POLN: variants seen among roughly 807,000 people sequenced by gnomAD.
POLN encodes DNA polymerase nu, also known as DNA polymerase N.
A neutral mutation model predicts 113.5 loss-of-function variants in POLN; 108 were observed. That is an observed-to-expected ratio of 0.95 (90% CI 0.81 to 1.12). The LOEUF (loss-of-function observed/expected upper bound fraction) is 1.12, where lower values mean the gene tolerates loss of function less well. Among genes scored for constraint, POLN ranks in the 50% most tolerant of loss-of-function variants. The pLI, the probability that POLN is intolerant of heterozygous loss-of-function variation, is 0.00. For synonymous variants in POLN, 386 were observed against 391.5 expected (o/e 0.99, Z 0.17); for missense variants, 1,097 against 1,077.1 (o/e 1.02, Z -0.26).
intron 7 of POLN, among the ~76,000 whole-genome samples, chr4:2,182,951 A>G (rs190884958): frequency 1.3e-5 from 2 of 152,386 alleles, no homozygotes; most frequent in East Asian, 3.9e-4. Flanking sequence ...AATAATTCTT[A>G]CAAATAAACA....
intron 24 of POLN, among the ~76,000 whole-genome samples, chr4:2,073,480 C>A (rs1730201469): frequency 6.6e-6 from 1 of 152,372 alleles, no homozygotes; most frequent in African/African-American, 2.4e-5. Context: ...ACCAGGCACA[C>A]AAGAACCCCC....
intron 20 of POLN, among the ~76,000 whole-genome samples, chr4:2,091,799 G>GCC (rs1334148393): frequency 3.5e-5 from 2 of 56,568 alleles, no homozygotes; most frequent in Non-Finnish European, 9.9e-5. Flanking sequence ...GTGTGTGTGT[G>GCC]TGCGCGCGCT....
Position 2,198,439 on chromosome 4 carries a change from A to G in POLN, c.908+85T>C, listed in dbSNP as rs1282586100. 4.0e-6 allele frequency: 5 copies of G among 1,262,690 alleles called. No homozygotes were observed. The African/African-American group carries it at 6.1e-5, about 15-fold the overall frequency. 78.2% of individuals were successfully genotyped at this position (1,262,690 alleles called of 1,614,324 possible). On this transcript the variant is annotated intron_variant, in intron 6 of 25. Transcript: ENST00000511885. ...TACAAAACTTCTAAAAGTTTAAACT[A>G]TTAAAACTGGACCTTGAGCAAGTTT...
chr4:2,113,995 G>C (rs989080989), intron 19 of POLN, among the ~76,000 whole-genome samples: 4 of 151,166 alleles, frequency 2.6e-5, no homozygotes, highest in Admixed American at 2.0e-4. Context: ...AACCTCCTGG[G>C]CTCAGGTGAT....
chr4:2,222,089 AC>A (rs1316636429), intron 3 of POLN, among the ~76,000 whole-genome samples: 1 of 152,076 alleles, frequency 6.6e-6, no homozygotes, highest in Non-Finnish European at 1.5e-5. Flanking sequence ...CTAAATTGAG[AC>A]CTGCCTGTTA....
At chr4:2,221,026 G>C (rs527384242) in intron 3 of POLN, among the ~76,000 whole-genome samples, 8 of 152,212 alleles carry the variant, frequency 5.3e-5, no homozygotes, top group African/African-American at 1.7e-4. Context: ...TATTTTTCAA[G>C]ACAGAAGCTC....
intron 19 of POLN, among the ~76,000 whole-genome samples, chr4:2,108,646 T>C (rs1352632749): frequency 6.6e-6 from 1 of 152,144 alleles, no homozygotes; most frequent in Non-Finnish European, 1.5e-5. Flanking sequence ...AAGAATACTT[T>C]TAGGGTAATT....
chr4:2,090,536 C>T (rs899041649), intron 20 of POLN: 4 of 487,126 alleles, frequency 8.2e-6, no homozygotes, highest in African/African-American at 7.9e-5. Flanking sequence ...CAAGAATCAT[C>T]CTCTACAGAC....
intron 2 of POLN, chr4:2,240,341 T>A: frequency 6.2e-7 from 1 of 1,602,160 alleles, no homozygotes; most frequent in Non-Finnish European, 8.5e-7. Flanking sequence ...GACTTAGGTA[T>A]TTTTCCAAGG....
chr4:2,075,343 C>T (rs1730250135), intron 24 of POLN, 109 bp downstream of exon 24: 2 of 1,169,408 alleles, frequency 1.7e-6, no homozygotes, highest in Non-Finnish European at 2.4e-6. Flanking sequence ...GGGCAGGGGC[C>T]ATAAAAGGGA....
intron 19 of POLN, among the ~76,000 whole-genome samples, chr4:2,107,933 T>C (rs1345154418): frequency 6.6e-6 from 1 of 152,232 alleles, no homozygotes; most frequent in African/African-American, 2.4e-5. Flanking sequence ...ACTGGGCCAT[T>C]GCTTCTCCTC....
chr4:2,086,916 G>A (rs1730564050), intron 20 of POLN, among the ~76,000 whole-genome samples: 2 of 152,202 alleles, frequency 1.3e-5, no homozygotes, highest in South Asian at 4.1e-4. Context: ...TGAAGACCAG[G>A]GAAGAACCCT....
intron 19 of POLN, among the ~76,000 whole-genome samples, chr4:2,100,355 T>TA (rs1486363301): frequency 1.3e-5 from 2 of 152,046 alleles, no homozygotes. Context: ...CTACTAGTAA[T>TA]AAACAGAAAC....
chr4:2,234,953 T>C (rs1404069066), intron 2 of POLN, among the ~76,000 whole-genome samples: 3 of 152,234 alleles, frequency 2.0e-5, no homozygotes, highest in African/African-American at 4.8e-5. Flanking sequence ...TGGCGCGATC[T>C]TGACTCACTG....
At chr4:2,136,729 A>G (rs1380040337) in intron 16 of POLN, among the ~76,000 whole-genome samples, 1 of 152,192 alleles carries the variant, frequency 6.6e-6, no homozygotes, top group African/African-American at 2.4e-5. Flanking sequence ...CTCCCTAGGT[A>G]TTGTGTGGGC....
chr4:2,091,298 G>A (rs1730656254), intron 20 of POLN, among the ~76,000 whole-genome samples: 1 of 152,148 alleles, frequency 6.6e-6, no homozygotes, highest in Admixed American at 6.5e-5. Context: ...CTATGGAGCT[G>A]TCGGGATCTC....
rs1375241198 is a variant in POLN at position 2,127,316 on chromosome 4, C to T, written c.1982+797G>A. ...TTCCTCAAAGGGGCACTGATGCACC[C>T]GGCCCGGTGAACACCTGTGATGTAT... On this transcript the variant is annotated intron_variant, in intron 19 of 25. Transcript: ENST00000511885. This position sits in a 1 kb window ranked among gnomAD's most constrained non-coding sequence, Gnocchi z 4.7. Among the ~76,000 whole-genome samples, 1 of 152,114 alleles carries T rather than the reference C, an allele frequency of 6.6e-6. No homozygotes were observed. Among genetic ancestry groups the T allele is most frequent in the African/African-American group, 2.4e-5 (1 of 41,418 alleles).
chr4:2,112,624 C>A (rs541417956), intron 19 of POLN, among the ~76,000 whole-genome samples: 1 of 152,172 alleles, frequency 6.6e-6, no homozygotes, highest in African/African-American at 2.4e-5. Context: ...AGCAAAAAAA[C>A]ACATGAAAAA....
At chr4:2,217,263 T>C (rs1734136393) in intron 3 of POLN, among the ~76,000 whole-genome samples, 1 of 152,186 alleles carries the variant, frequency 6.6e-6, no homozygotes, top group African/African-American at 2.4e-5. Context: ...GTTCTACCCA[T>C]TGGGTTTCCC....
Sources: allele counts gnomAD v4.1 joint callset (sites outside exome capture counted in the v4.1 genomes callset), GRCh38; gene constraint gnomAD v4.1.1; non-coding constraint Gnocchi (gnomAD v3.1); transcripts MANE v1.5; gene names NCBI Gene and HGNC (gene_info 2026-07-23, HGNC 2026-07-21).